Variants in SYNE1 observed in about 807,000 individuals in gnomAD.
The protein encoded by SYNE1 is spectrin repeat containing nuclear envelope protein 1.
Under a neutral mutation model 1,111.0 loss-of-function variants are expected in SYNE1, and 616 were observed. That is an observed-to-expected ratio of 0.55 (90% CI 0.52 to 0.59). SYNE1 has a LOEUF of 0.59. SYNE1 is among the 20% of genes least tolerant of loss of function. The pLI is 0.00. For missense variants in SYNE1, 10,006 were observed against 10,417.0 expected (o/e 0.96, Z 1.72); for synonymous variants, 3,855 against 3,825.8 (o/e 1.01, Z -0.28).
chr6:152,574,859 C>T (rs951402389), intron 3 of SYNE1, among the ~76,000 whole-genome samples: 2 of 152,100 alleles, frequency 1.3e-5, no homozygotes, highest in African/African-American at 4.8e-5. Flanking sequence ...ACTCTTGAAA[C>T]GTCAGTTCAC....
At position 152,534,629 on chromosome 6, in the gene SYNE1, G is replaced by A. The variant is rs1173642528; in HGVS notation, c.129+5331C>T. Among the ~76,000 whole-genome samples, 3 of 138,230 alleles carry A rather than the reference G, an allele frequency of 2.2e-5. 1 individual carries two copies. Among genetic ancestry groups the A allele is most frequent in the African/African-American group, 7.5e-5 (3 of 40,192 alleles). The allele number at this position is 138,230 out of a possible 152,430, so 90.7% of individuals were successfully genotyped here. ...GAGAAAAACAACTAAAAAATTATTT[G>A]GGGGGGTGAATTATTGCATTTACCT... On this transcript the variant is annotated intron_variant, in intron 4 of 145. Transcript: ENST00000367255.
At chr6:152,364,191 C>T (rs1037054988) in intron 63 of SYNE1, among the ~76,000 whole-genome samples, 1 of 152,144 alleles carries the variant, frequency 6.6e-6, no homozygotes, top group Admixed American at 6.5e-5. Flanking sequence ...GATGTGTTTG[C>T]TTCCCCTTCC....
intron 126 of SYNE1, among the ~76,000 whole-genome samples, chr6:152,202,396 G>T (rs1483191928): frequency 6.9e-6 from 1 of 144,450 alleles, no homozygotes; most frequent in Non-Finnish European, 1.5e-5. Context: ...ACAAAGTTGC[G>T]CTGATGAACA....
In SYNE1 at chr6:152,284,031, C is replaced by A; in HGVS notation, c.18154G>T (p.Glu6052Ter). The A allele has an allele frequency of 6.2e-7, 1 of 1,614,192 alleles. No individual in the cohort carries two copies. Among genetic ancestry groups the A allele is most frequent in the Non-Finnish European group, 8.5e-7 (1 of 1,180,030 alleles). Residue 6052 changes from glutamate to a stop codon, truncating the protein, a stop_gained, in exon 96 of 146, where the codon GAG (glutamate) becomes TAG (stop). Coordinates refer to ENST00000367255, the MANE Select transcript of SYNE1 (RefSeq NM_182961.4). LOFTEE classifies it high-confidence loss of function. ...ALQSTLTVLA[E>*]RMSTIRMKAS... ...TTCATCCTGATGGTGGACATTCGCT[C>A]GGCTAAGACAGTGAGCGTGGACTGC...
At position 152,308,680 on chromosome 6, in the gene SYNE1, C is replaced by T. The variant is rs4112833; in HGVS notation, c.17203-48G>A. On this transcript the variant is annotated intron_variant, in intron 90 of 145. Coordinates refer to ENST00000367255, the MANE Select transcript of SYNE1 (RefSeq NM_182961.4). ...AAAGATAGACAGTTTTTTTTCTCTACCAATAACTAGGTAAGTGATTCTGTA... is the reference window on the plus strand; with the variant it reads ...AAAGATAGACAGTTTTTTTTCTCTATCAATAACTAGGTAAGTGATTCTGTA... The T allele has an allele frequency of 0.81, 1,284,808 of 1,578,384 alleles. 525,031 individuals carry two copies. Among genetic ancestry groups the T allele is most frequent in the East Asian group, 0.99 (44,182 of 44,728 alleles).
rs761395846 is a variant in SYNE1 at position 152,526,125 on chromosome 6, A to C, written c.180T>G (p.Gly60=). ...CCTCCAGAAGGGCAAGCAGTTTAACACCATCTTTCATGTCTTCAAAAAGAT... is the reference window on the plus strand; with the variant it reads ...CCTCCAGAAGGGCAAGCAGTTTAACCCCATCTTTCATGTCTTCAAAAAGAT... The part of the protein sequence containing the change: ...VDDLFEDMKD[G]VKLLALLEVL... The change falls in exon 5 of 146, where the codon GGT becomes GGG. Residue 60 remains glycine (G), a synonymous_variant. Transcript: ENST00000367255. The C allele has an allele frequency of 1.2e-6, 2 of 1,614,114 alleles. No individual in the cohort carries two copies. The highest frequency in any genetic ancestry group is 3.3e-5 in the Admixed American group (2 of 60,010).
rs373640718 is a variant in SYNE1 at position 152,359,291 on chromosome 6, T to C, written c.10443+24A>G. 9.9e-6 allele frequency: 16 copies of C among 1,613,200 alleles called. No individual in the cohort carries two copies. The African/African-American group carries it at 2.0e-4, about 20-fold the overall frequency. On this transcript the variant is annotated intron_variant, in intron 65 of 145. Transcript: ENST00000367255. ...CCAAACACTCCCCTTTTGGTGAGTC[T>C]ACAAGGAAAGTGCTTTGCCGTACCT...
rs148160468 is a variant in SYNE1, at chr6:152,164,387, G to A, written c.23628-62C>T. On this transcript the variant is annotated intron_variant, in intron 130 of 145. Coordinates refer to ENST00000367255, the MANE Select transcript of SYNE1 (RefSeq NM_182961.4). ...AGAGGCCCACTCATGTTTCTCTAGCGTGCAGAGGAGAACACTGGGCTTTAA... is the reference window on the plus strand; with the variant it reads ...AGAGGCCCACTCATGTTTCTCTAGCATGCAGAGGAGAACACTGGGCTTTAA... 2.8e-4 allele frequency: 446 copies of A among 1,587,494 alleles called. 4 individuals carry two copies. In the East Asian group the frequency reaches 8.7e-3, roughly 31 times the overall value.
At chr6:152,247,840 TGA>T (rs1474047539) in intron 105 of SYNE1, among the ~76,000 whole-genome samples, 19 of 120,792 alleles carry the variant, frequency 1.6e-4, no homozygotes, top group Admixed American at 8.7e-5. Context: ...CAAACTATTT[TGA>T]GAGGTGTTCT....
chr6:152,206,149 T>G lies in SYNE1; in HGVS notation c.23019+19A>C. Reference sequence around the variant, plus strand: ...GACTAAAAGGGTTTTTTGGTTCGTTTTTTTCTAACTGAACTTACTTTCAAC... The same window carrying G: ...GACTAAAAGGGTTTTTTGGTTCGTTGTTTTCTAACTGAACTTACTTTCAAC... On this transcript the variant is annotated intron_variant, in intron 126 of 145. Coordinates refer to ENST00000367255, the MANE Select transcript of SYNE1 (RefSeq NM_182961.4). The G allele has an allele frequency of 6.2e-7, 1 of 1,612,660 alleles. No individual in the cohort carries two copies. Among genetic ancestry groups the G allele is most frequent in the Middle Eastern group, 2.0e-4 (1 of 5,122 alleles).
intron 32 of SYNE1, among the ~76,000 whole-genome samples, chr6:152,438,421 C>A (rs530410501): frequency 6.6e-6 from 1 of 151,956 alleles, no homozygotes; most frequent in East Asian, 1.9e-4. Context: ...GCAGAGAAAT[C>A]GAAAGAGCAG....
At chr6:152,444,304 C>T (rs560161764) in intron 30 of SYNE1, 107 bp downstream of exon 30, 530 of 1,273,226 alleles carry the variant, frequency 4.2e-4, no homozygotes, top group Non-Finnish European at 5.6e-4. Context: ...CTTCCCATGC[C>T]CCCTCACCCA....
chr6:152,461,428 GTTTTA>G (rs1339311209), intron 21 of SYNE1, among the ~76,000 whole-genome samples, 164 bp downstream of exon 21: 2 of 151,984 alleles, frequency 1.3e-5, no homozygotes, highest in African/African-American at 4.8e-5. Flanking sequence ...CAGCATCATA[GTTTTA>G]TTTTTTTTAA....
At chr6:152,529,265 G>T (rs183151827) in intron 4 of SYNE1, among the ~76,000 whole-genome samples, 2 of 152,108 alleles carry the variant, frequency 1.3e-5, no homozygotes, top group Non-Finnish European at 2.9e-5. Flanking sequence ...TCTATAGAAG[G>T]ACTATTTTGT....
chr6:152,362,110 A>T, intron 64 of SYNE1, 60 bp downstream of exon 64: 1 of 1,613,306 alleles, frequency 6.2e-7, no homozygotes, highest in South Asian at 1.1e-5. Flanking sequence ...TTTTTGTCTG[A>T]CTGTGGCATT....
chr6:152,626,650 C>T (rs2099686361), intron 3 of SYNE1, among the ~76,000 whole-genome samples: 1 of 152,190 alleles, frequency 6.6e-6, no homozygotes, highest in Non-Finnish European at 1.5e-5. Context: ...CTCTTTCTGG[C>T]ATGACATGTG....
intron 97 of SYNE1, among the ~76,000 whole-genome samples, chr6:152,280,697 A>G (rs1466700015): frequency 1.3e-5 from 2 of 152,254 alleles, no homozygotes; most frequent in African/African-American, 4.8e-5. Context: ...TTGAAATGTT[A>G]GTTTGGGTGG....
chr6:152,455,437 G>T lies in SYNE1; in HGVS notation c.2881C>A (p.Arg961=). Residue 961 remains arginine (R), a synonymous_variant, in exon 24 of 146, where the codon CGG becomes AGG. Transcript: ENST00000367255. Reference sequence around the variant, plus strand: ...AAGGGTGGACTCACAGTGTGTCTCCGCAGGAGCTCCTCTGGATCCCCCTTT... The same window carrying T: ...AAGGGTGGACTCACAGTGTGTCTCCTCAGGAGCTCCTCTGGATCCCCCTTT... ...EEKGDPEELL[R]RHTEFFSQLD... The T allele has an allele frequency of 1.2e-6, 2 of 1,613,894 alleles. No individual in the cohort carries two copies. The highest frequency in any genetic ancestry group is 8.5e-7 in the Non-Finnish European group (1 of 1,179,878).
intron 41 of SYNE1, 115 bp from the exon 42 acceptor site, chr6:152,413,646 T>C (rs1427509787): frequency 1.6e-5 from 17 of 1,040,626 alleles, no homozygotes; most frequent in Non-Finnish European, 2.4e-5. Context: ...CTAGAAAAAC[T>C]TTTAACACAG....
Sources: gnomAD v4.1 joint callset for allele counts (sites outside exome capture counted in the v4.1 genomes callset) on GRCh38, gnomAD v4.1.1 for gene constraint, MANE v1.5 for transcripts, NCBI Gene and HGNC (gene_info 2026-07-23, HGNC 2026-07-21) for gene names.